CENPU: variants seen among roughly 807,000 people sequenced by gnomAD.
The protein encoded by CENPU is KSHV latent nuclear antigen interacting protein 1.
Under a neutral mutation model 56.7 loss-of-function variants are expected in CENPU, and 46 were observed. The ratio of observed to expected loss-of-function variants is 0.81; its 90% CI spans 0.64 to 1.04. The LOEUF (loss-of-function observed/expected upper bound fraction) is 1.04. CENPU is among the 50% of genes least tolerant of loss of function. The pLI, the probability that CENPU is intolerant of heterozygous loss-of-function variation, is 0.00. For synonymous variants in CENPU, 166 were observed against 163.0 expected, an observed-to-expected ratio of 1.02 and a Z score of -0.14; for missense variants, 510 against 490.1, an observed-to-expected ratio of 1.04 and a Z score of -0.38.
At chr4:184,708,077 AGCTGGGC>A (rs1167855648) in intron 8 of CENPU, among the ~76,000 whole-genome samples, 1 of 152,024 alleles carries the variant, frequency 6.6e-6, no homozygotes, top group Admixed American at 6.6e-5. Context: ...ACAAAAAATT[AGCTGGGC>A]GTGGTGGCGC....
At chr4:184,696,698 AT>A (rs34070923) in intron 12 of CENPU, among the ~76,000 whole-genome samples, 26,645 of 150,206 alleles carry the variant, frequency 0.18, 2,643 homozygotes, top group African/African-American at 0.26. Flanking sequence ...ATATATATAT[AT>A]TATATAAAAT....
intron 4 of CENPU, among the ~76,000 whole-genome samples, chr4:184,720,093 TTCA>T (rs1761224285): frequency 6.6e-6 from 1 of 152,102 alleles, no homozygotes; most frequent in South Asian, 2.1e-4. Context: ...AGACAGAGAA[TTCA>T]AAATAGCTGT....
At chr4:184,702,214 G>A (rs1391755192) in intron 9 of CENPU, 78 bp from the exon 10 acceptor site, 3 of 1,292,218 alleles carry the variant, frequency 2.3e-6, no homozygotes, top group Admixed American at 3.7e-5. Flanking sequence ...GTCACATTTA[G>A]TTTAAAAACA....
At chr4:184,708,958 G>T (rs2150210369) in intron 8 of CENPU, among the ~76,000 whole-genome samples, 1 of 152,204 alleles carries the variant, frequency 6.6e-6, no homozygotes, top group Non-Finnish European at 1.5e-5. Flanking sequence ...TAAAGGTGGG[G>T]AGTTATAAAT....
intron 8 of CENPU, among the ~76,000 whole-genome samples, chr4:184,705,208 T>C (rs1283808113): frequency 1.3e-5 from 2 of 152,108 alleles, no homozygotes; most frequent in African/African-American, 2.4e-5. Context: ...AAACAAACCA[T>C]GGTATATCCA....
intron 12 of CENPU, among the ~76,000 whole-genome samples, chr4:184,695,715 T>G (rs1396993593): frequency 6.6e-6 from 1 of 152,180 alleles, no homozygotes; most frequent in Non-Finnish European, 1.5e-5. Flanking sequence ...TGTCAAGGCT[T>G]GGTTTGGGCA....
At chr4:184,704,456 G>C (rs1760654902) in intron 8 of CENPU, among the ~76,000 whole-genome samples, 1 of 151,630 alleles carries the variant, frequency 6.6e-6, no homozygotes. Context: ...GCATGTACTA[G>C]GCTTACACCT....
At position 184,733,661 on chromosome 4, in the gene CENPU, A is replaced by G. The variant is rs4292367; in HGVS notation, c.47+355T>C. Among the ~76,000 whole-genome samples, 1,004 of 152,350 alleles carry G rather than the reference A, an allele frequency of 6.6e-3. 17 individuals are homozygous for G. Among genetic ancestry groups the G allele is most frequent in the South Asian group, 0.041 (199 of 4,830 alleles). The stretch of plus-strand genomic sequence containing the variant: ...ATTCCCAGTCAGAGAATAAAACTCC[A>G]CTAACAAAGTCTGGCAAACCGCAGG... On this transcript the variant is annotated intron_variant, in intron 1 of 12. Transcript: ENST00000281453.
At chr4:184,727,616 T>C (rs1376980390) in intron 3 of CENPU, among the ~76,000 whole-genome samples, 2 of 152,086 alleles carry the variant, frequency 1.3e-5, no homozygotes, top group Admixed American at 1.3e-4. Flanking sequence ...AAGTTAAAAA[T>C]AGAATTACCA....
chr4:184,727,116 C>CAAAAA (rs59124760), intron 3 of CENPU, among the ~76,000 whole-genome samples: 10 of 86,776 alleles, frequency 1.2e-4, no homozygotes, highest in South Asian at 7.5e-4. Context: ...ACTTCGTCTC[C>CAAAAA]AAAAAAAAAA....
At chr4:184,733,213 G>T in intron 1 of CENPU, 1 of 507,664 alleles carries the variant, frequency 2.0e-6, no homozygotes, top group Non-Finnish European at 2.5e-6. Flanking sequence ...TCCTCCACTG[G>T]CCACAGAAGT....
chr4:184,710,418 A>G (rs1461831662), intron 7 of CENPU: 3 of 342,818 alleles, frequency 8.8e-6, no homozygotes, highest in Non-Finnish European at 1.6e-5. Context: ...TAAAGCAACC[A>G]AAAGCATTGC....
chr4:184,724,061 G>C (rs56226009), intron 4 of CENPU, among the ~76,000 whole-genome samples: 1 of 151,566 alleles, frequency 6.6e-6, no homozygotes, highest in Admixed American at 6.6e-5. Flanking sequence ...TCAGGAGATC[G>C]AGACCAGCCT....
chr4:184,696,482 T>G (rs140677120), intron 12 of CENPU, among the ~76,000 whole-genome samples: 131 of 152,272 alleles, frequency 8.6e-4, no homozygotes, highest in African/African-American at 2.9e-3. Context: ...TACAGATAAC[T>G]TGCCCAAATT....
chr4:184,695,263 G>C lies in CENPU; in HGVS notation c.*25C>G. 6.8e-7 allele frequency: 1 copy of C among 1,467,216 alleles called. No individual in the cohort carries two copies. Among genetic ancestry groups the C allele is most frequent in the Non-Finnish European group, 9.6e-7 (1 of 1,046,636 alleles). The allele number at this position is 1,467,216 out of a possible 1,614,324, so 90.9% of individuals were successfully genotyped here. A position where few individuals can be genotyped will look rare whatever the true frequency, so the allele number is the denominator to read the frequency against. On this transcript the variant is annotated 3_prime_UTR_variant, in exon 13 of 13. Coordinates refer to ENST00000281453, the MANE Select transcript of CENPU (RefSeq NM_024629.4). The stretch of plus-strand genomic sequence containing the variant: ...ACAGCATGAGACTAGTCTTCCTATA[G>C]GCACATTTTAGTAGACTGCTCTTCT...
At chr4:184,699,725 A>C in intron 11 of CENPU, 1 of 760,392 alleles carries the variant, frequency 1.3e-6, no homozygotes, top group Non-Finnish European at 1.9e-6. Flanking sequence ...CACTGGCACA[A>C]TCTCGGCTCC....
intron 2 of CENPU, 134 bp from the exon 3 acceptor site, chr4:184,729,169 A>G (rs535390417): frequency 1.5e-4 from 100 of 662,198 alleles, no homozygotes; most frequent in Non-Finnish European, 2.6e-4. Flanking sequence ...TGGATTCACT[A>G]CCTACCCTGA....
intron 7 of CENPU, among the ~76,000 whole-genome samples, chr4:184,711,132 G>C (rs189161790): frequency 6.6e-6 from 1 of 152,016 alleles, no homozygotes; most frequent in African/African-American, 2.4e-5. Context: ...CTGGGATTAC[G>C]GGTGCACCCA....
chr4:184,710,312 G>A lies in CENPU; in HGVS notation c.689-132C>T, dbSNP rs570067044. On this transcript the variant is annotated intron_variant, in intron 7 of 12. Coordinates refer to ENST00000281453, the MANE Select transcript of CENPU (RefSeq NM_024629.4). Reference sequence around the variant, plus strand: ...GCTACAGCTGAACAATCAGAGAGGAGGTGCCGTACTCACTTCTTATCCCTG... The same window carrying A: ...GCTACAGCTGAACAATCAGAGAGGAAGTGCCGTACTCACTTCTTATCCCTG... 4.9e-5 allele frequency: 27 copies of A among 556,524 alleles called. No homozygotes were observed. The East Asian group carries it at 5.4e-4, about 11-fold the overall frequency. 34.5% of individuals were successfully genotyped at this position (556,524 alleles called of 1,614,324 possible). A position where few individuals can be genotyped will look rare whatever the true frequency, so the allele number is the denominator to read the frequency against.
Sources: allele counts gnomAD v4.1 joint callset (sites outside exome capture counted in the v4.1 genomes callset), GRCh38; gene constraint gnomAD v4.1.1; transcripts MANE v1.5; gene names NCBI Gene and HGNC (gene_info 2026-07-23, HGNC 2026-07-21).